RTN4: variants seen among roughly 807,000 people sequenced by gnomAD.
RTN4 encodes reticulon-4.
RTN4 carries 32 observed loss-of-function variants against 90.4 expected under a neutral mutation model. The observed-to-expected ratio is 0.35, with a 90% confidence interval of 0.27 to 0.48. The LOEUF (loss-of-function observed/expected upper bound fraction) is 0.48. RTN4 is among the 20% of genes least tolerant of loss of function. RTN4 has a pLI of 0.99. For missense variants in RTN4, 1,706 were observed against 1,430.2 expected (o/e 1.19, Z -3.11); for synonymous variants, 629 against 552.5 (o/e 1.14, Z -1.94).
intron 2 of RTN4, among the ~76,000 whole-genome samples, chr2:55,069,018 G>C (rs77570101): frequency 0.06 from 9,085 of 152,280 alleles, 840 homozygotes; most frequent in African/African-American, 0.2. Flanking sequence ...TGCATCATCA[G>C]TGCAAAATTA....
chr2:55,117,531 T>C (rs2105074566), upstream of RTN4, among the ~76,000 whole-genome samples: 1 of 152,342 alleles, frequency 6.6e-6, no homozygotes, highest in Non-Finnish European at 1.5e-5. Context: ...TTTAACTTGC[T>C]GTAATTTTAA....
upstream of RTN4, among the ~76,000 whole-genome samples, chr2:55,051,757 T>G (rs1339499125): frequency 6.6e-6 from 1 of 152,204 alleles, no homozygotes; most frequent in Non-Finnish European, 1.5e-5. Flanking sequence ...TTTCAAGAAT[T>G]AGTACCTCCG....
chr2:55,110,193 C>T (rs546533029), intron 1 of RTN4, among the ~76,000 whole-genome samples: 1 of 151,934 alleles, frequency 6.6e-6, no homozygotes, highest in African/African-American at 2.4e-5. Flanking sequence ...TGTCTGTAGT[C>T]CCAGCTACGT....
intron 1 of RTN4, among the ~76,000 whole-genome samples, chr2:55,032,467 C>A (rs1682386068): frequency 6.6e-6 from 1 of 151,934 alleles, no homozygotes; most frequent in Non-Finnish European, 1.5e-5. Context: ...GACAGGGAAT[C>A]TTGGTGGAGA....
At chr2:54,981,593 G>A (rs1678133128) in intron 5 of RTN4, among the ~76,000 whole-genome samples, 1 of 152,144 alleles carries the variant, frequency 6.6e-6, no homozygotes, top group Non-Finnish European at 1.5e-5. Flanking sequence ...CAGTGCTTCA[G>A]GCTTAAATTA....
intron 6 of RTN4, chr2:54,974,190 A>G (rs1035279526): frequency 2.9e-5 from 8 of 275,452 alleles, no homozygotes; most frequent in Non-Finnish European, 5.5e-5. Flanking sequence ...CTGGTTTATC[A>G]CTGTTTGTTA....
chr2:55,082,503 G>A (rs1051639594), intron 1 of RTN4, among the ~76,000 whole-genome samples: 2 of 152,080 alleles, frequency 1.3e-5, no homozygotes, highest in Admixed American at 6.6e-5. Context: ...CCCACCCCTG[G>A]CCAGGTAGAG....
chr2:55,050,227 T>C lies in RTN4; in HGVS notation c.74A>G (p.Tyr25Cys), dbSNP rs1171771988. 1.8e-5 allele frequency: 28 copies of C among 1,557,050 alleles called. No homozygotes were observed. The highest frequency in any genetic ancestry group is 2.4e-5 in the Non-Finnish European group (28 of 1,153,774). Residue 25 changes from tyrosine (Y) to cysteine (C), a missense_variant, in exon 1 of 9, where the codon TAC becomes TGC. By Grantham distance (194) the Tyr-to-Cys change is radical. Coordinates refer to ENST00000337526, the MANE Select transcript of RTN4 (RefSeq NM_020532.5). This position sits in a 1 kb window ranked among gnomAD's most constrained non-coding sequence, Gnocchi z 4.6. ...GTCCTCGGGCTCCCTCACGAACTGG[T>C]ACTTGAACGCGGGCTGCGGCCGGGG... is the stretch of plus-strand genomic sequence containing the variant. The part of the protein sequence containing the change: ...SPPRPQPAFK[Y>C]QFVREPEDEE...
rs199844556 is a variant in RTN4, at chr2:55,027,023, A to G, written c.1076T>C (p.Val359Ala). ...GTCTTTTGCTTTTTCTGAAGACACA[A>G]CTTCATCCTCTTTAACCAATTTAGT... ...ALTKLVKEDE[V>A]VSSEKAKDSF... is the part of the protein sequence containing the mutation. Residue 359 changes from valine to alanine, a missense_variant, in exon 3 of 9, where the codon GTT becomes GCT. Physicochemically the swap from Val to Ala is moderately conservative, Grantham distance 64. Coordinates refer to ENST00000337526, the MANE Select transcript of RTN4 (RefSeq NM_020532.5). 33 of 1,613,496 alleles carry G rather than the reference A, an allele frequency of 2.0e-5. No individual in the cohort carries two copies. Among genetic ancestry groups the G allele is most frequent in the Middle Eastern group, 1.7e-4 (1 of 6,058 alleles).
At chr2:54,973,470 T>TTGTTACTCATTATGCCTGCA (rs1677312762) in intron 8 of RTN4, 93 bp downstream of exon 8, 7 of 993,290 alleles carry the variant, frequency 7.0e-6, no homozygotes, top group African/African-American at 1.6e-5. Flanking sequence ...TGATAGAGAT[T>TTGTTACTCATTATGCCTGCA]TGTTACTCAT....
chr2:55,009,940 C>T (rs916593146), intron 3 of RTN4: 10 of 820,830 alleles, frequency 1.2e-5, no homozygotes, highest in African/African-American at 6.9e-5. Context: ...TGTAAAAACA[C>T]GTGAGATAGC....
At chr2:55,019,195 A>C (rs934072466) in intron 3 of RTN4, among the ~76,000 whole-genome samples, 1 of 152,222 alleles carries the variant, frequency 6.6e-6, no homozygotes, top group Admixed American at 6.5e-5. Context: ...TAATTAATTC[A>C]TTAATGGAAA....
intron 1 of RTN4, among the ~76,000 whole-genome samples, chr2:55,081,649 GC>G (rs1212603492): frequency 6.6e-6 from 1 of 151,988 alleles, no homozygotes; most frequent in Non-Finnish European, 1.5e-5. Context: ...GATTGCTTGA[GC>G]CCAGGAGTTC....
chr2:54,998,685 GCA>G (rs1182007933), intron 3 of RTN4, among the ~76,000 whole-genome samples: 2 of 152,058 alleles, frequency 1.3e-5, no homozygotes, highest in Non-Finnish European at 2.9e-5. Flanking sequence ...AATGCTTGCT[GCA>G]CTGTCTGAAT....
the RTN4 span, among the ~76,000 whole-genome samples, chr2:55,118,292 T>C: frequency 1.1e-4 from 17 of 152,224 alleles, no homozygotes; most frequent in African/African-American, 4.1e-4. Context: ...TACTGGGACC[T>C]TGCCTCTACA....
chr2:55,065,525 A>AT (rs1177581609), intron 2 of RTN4, among the ~76,000 whole-genome samples: 9 of 152,138 alleles, frequency 5.9e-5, no homozygotes, highest in South Asian at 2.1e-4. Flanking sequence ...TAAAAAAAAA[A>AT]TTTTTCATCA....
rs560367513 is a variant in RTN4, at chr2:55,101,976, CTTA to C, written c.-214+10541_-214+10543del. Among the ~76,000 whole-genome samples the C allele has an allele frequency of 1.5e-3, 231 of 152,106 alleles. 2 individuals are homozygous for C. The highest frequency in any genetic ancestry group is 5.1e-3 in the African/African-American group (213 of 41,460). ...AAGAAAAGGAAAAATAGAGTGAAAT[CTTA>C]TTATTGTTTTCTACTGATATTTCAC... On this transcript the variant is annotated intron_variant, in intron 1 of 3. Coordinates refer to the RTN4 transcript ENST00000427710.
At chr2:55,104,309 G>A (rs989862934) in intron 1 of RTN4, among the ~76,000 whole-genome samples, 4 of 151,226 alleles carry the variant, frequency 2.6e-5, no homozygotes, top group African/African-American at 7.3e-5. Context: ...CACCCACCTC[G>A]GCCTCCCAAA....
At chr2:55,117,902 G>A in the RTN4 span, among the ~76,000 whole-genome samples, 2 of 152,150 alleles carry the variant, frequency 1.3e-5, no homozygotes, top group South Asian at 2.1e-4. Context: ...AACATGGGTG[G>A]AAATGACATA....
Sources: allele counts gnomAD v4.1 joint callset (sites outside exome capture counted in the v4.1 genomes callset), GRCh38; gene constraint gnomAD v4.1.1; non-coding constraint Gnocchi (gnomAD v3.1); transcripts MANE v1.5; gene names NCBI Gene and HGNC (gene_info 2026-07-23, HGNC 2026-07-21).